The following SV2C variants were observed in gnomAD, a reference collection of about 807,000 sequenced individuals.
SV2C encodes synaptic vesicle glycoprotein 2C.
SV2C carries 49 observed loss-of-function variants against 79.7 expected under a neutral mutation model. The ratio of observed to expected loss-of-function variants is 0.61; its 90% CI spans 0.49 to 0.78. The LOEUF is 0.78. Among genes scored for constraint, SV2C ranks in the 30% least tolerant of loss-of-function variants. SV2C has a pLI of 0.00. For missense variants in SV2C, 833 were observed against 912.9 expected (o/e 0.91, Z 1.13); for synonymous variants, 334 against 333.2 (o/e 1.00, Z -0.03).
the SV2C span, among the ~76,000 whole-genome samples, chr5:76,060,236 A>C: frequency 6.6e-6 from 1 of 152,098 alleles, no homozygotes; most frequent in East Asian, 1.9e-4. Context: ...CTAATCAGAG[A>C]ATCAACTTGT....
At chr5:76,033,950 A>C in the SV2C span, among the ~76,000 whole-genome samples, 1 of 152,236 alleles carries the variant, frequency 6.6e-6, no homozygotes, top group Non-Finnish European at 1.5e-5. Flanking sequence ...GTTCTCCTTG[A>C]AGAGGTCCTT....
chr5:75,897,990 G>T, the SV2C span, among the ~76,000 whole-genome samples: 1 of 151,624 alleles, frequency 6.6e-6, no homozygotes, highest in African/African-American at 2.4e-5. Context: ...GGGTTTTCTT[G>T]ATATACAATC....
At chr5:76,035,210 G>A in the SV2C span, among the ~76,000 whole-genome samples, 119 of 149,136 alleles carry the variant, frequency 8.0e-4, no homozygotes, top group Middle Eastern at 0.014. Context: ...TCCTGGATTC[G>A]TTAATTTTTT....
intron 12 of SV2C, among the ~76,000 whole-genome samples, chr5:76,312,352 A>G (rs1364573120): frequency 6.6e-6 from 1 of 151,866 alleles, no homozygotes; most frequent in Non-Finnish European, 1.5e-5. Context: ...TCCCAGATTC[A>G]AGCAATTCTC....
chr5:76,113,034 G>T (rs913420463), intron 1 of SV2C, among the ~76,000 whole-genome samples: 2 of 152,158 alleles, frequency 1.3e-5, no homozygotes, highest in Non-Finnish European at 2.9e-5. Flanking sequence ...TTTTATTTTT[G>T]TTCGTTTTGC....
intron 3 of SV2C, among the ~76,000 whole-genome samples, chr5:76,203,041 T>G (rs192128164): frequency 7.9e-4 from 121 of 152,332 alleles, no homozygotes; most frequent in African/African-American, 2.9e-3. Flanking sequence ...GGCAATGCTT[T>G]TTACTTTCCA....
chr5:75,914,564 GT>G, the SV2C span, among the ~76,000 whole-genome samples: 1 of 152,164 alleles, frequency 6.6e-6, no homozygotes, highest in Admixed American at 6.5e-5. Context: ...ATGGAGAGTG[GT>G]TGTTAATTTT....
At chr5:76,160,967 A>T (rs987002910) in intron 2 of SV2C, among the ~76,000 whole-genome samples, 21 of 136,308 alleles carry the variant, frequency 1.5e-4, no homozygotes, top group Non-Finnish European at 2.8e-4. Flanking sequence ...GGAAAAAACT[A>T]GCAGTTTCTG....
the SV2C span, among the ~76,000 whole-genome samples, chr5:76,063,092 A>T: frequency 6.6e-6 from 1 of 152,176 alleles, no homozygotes; most frequent in African/African-American, 2.4e-5. Flanking sequence ...ACTGGAAGAT[A>T]AAATTAGTTT....
chr5:76,000,389 A>G, the SV2C span, among the ~76,000 whole-genome samples: 1 of 151,872 alleles, frequency 6.6e-6, no homozygotes, highest in South Asian at 2.1e-4. Flanking sequence ...TCCCCACGTG[A>G]TTTTTCTCCA....
At chr5:76,048,953 G>GAAAA in the SV2C span, among the ~76,000 whole-genome samples, 21 of 73,728 alleles carry the variant, frequency 2.8e-4, 1 homozygote, top group African/African-American at 8.8e-4. Flanking sequence ...AAGAAAGAGA[G>GAAAA]AGAAAGAAAA....
At chr5:75,955,917 A>G in the SV2C span, among the ~76,000 whole-genome samples, 105 of 152,202 alleles carry the variant, frequency 6.9e-4, no homozygotes, top group African/African-American at 2.4e-3. Context: ...AGAGGATATG[A>G]AGAAATAGGA....
At chr5:75,933,974 A>G in the SV2C span, among the ~76,000 whole-genome samples, 4 of 152,224 alleles carry the variant, frequency 2.6e-5, no homozygotes, top group African/African-American at 4.8e-5. Flanking sequence ...TGAAATTTAG[A>G]CACTATTACT....
At chr5:76,252,442 G>T (rs1463332425) in intron 4 of SV2C, among the ~76,000 whole-genome samples, 1 of 152,148 alleles carries the variant, frequency 6.6e-6, no homozygotes, top group East Asian at 1.9e-4. Flanking sequence ...ATTTAAGAAA[G>T]TCAATTTTAA....
chr5:76,048,997 A>AAGAG, the SV2C span, among the ~76,000 whole-genome samples: 1 of 100,184 alleles, frequency 1.0e-5, no homozygotes, highest in Non-Finnish European at 2.2e-5. Flanking sequence ...GAAAGAAAGA[A>AAGAG]AGAAAGAAAG....
intron 2 of SV2C, among the ~76,000 whole-genome samples, chr5:76,194,030 C>G (rs573797953): frequency 5.9e-5 from 9 of 152,296 alleles, no homozygotes; most frequent in African/African-American, 2.2e-4. Context: ...CTTTGTGTTA[C>G]TCATGCTTTC....
the SV2C span, among the ~76,000 whole-genome samples, chr5:75,921,925 T>C: frequency 6.6e-6 from 1 of 152,104 alleles, no homozygotes; most frequent in African/African-American, 2.4e-5. Flanking sequence ...GTTTACTGTA[T>C]GTTAGAAATT....
intron 2 of SV2C, among the ~76,000 whole-genome samples, chr5:76,189,729 T>C (rs1335244287): frequency 6.6e-6 from 1 of 152,174 alleles, no homozygotes; most frequent in Non-Finnish European, 1.5e-5. Flanking sequence ...ATTTTTAGTC[T>C]TAAGTTTCTT....
At chr5:75,944,208 C>T in the SV2C span, among the ~76,000 whole-genome samples, 1 of 152,078 alleles carries the variant, frequency 6.6e-6, no homozygotes, top group Non-Finnish European at 1.5e-5. Context: ...ATGATGTTGA[C>T]TAAGAACTTG....
Sources: allele counts gnomAD v4.1 joint callset (sites outside exome capture counted in the v4.1 genomes callset), GRCh38; gene constraint gnomAD v4.1.1; transcripts MANE v1.5; gene names NCBI Gene and HGNC (gene_info 2026-07-23, HGNC 2026-07-21).